SPCS1: variants seen among roughly 807,000 people sequenced by gnomAD.
SPCS1 encodes the protein signal peptidase complex subunit 1, also known as SPase 12 kDa subunit.
A neutral mutation model predicts 16.4 loss-of-function variants in SPCS1; 10 were observed. The ratio of observed to expected loss-of-function variants is 0.61; its 90% CI spans 0.38 to 1.03. The LOEUF (loss-of-function observed/expected upper bound fraction) is 1.03. Ranked by LOEUF, SPCS1 falls within the 50% of genes least tolerant of loss-of-function variation. The pLI, the probability that SPCS1 is intolerant of heterozygous loss-of-function variation, is 0.01. For synonymous variants in SPCS1, 47 were observed against 42.5 expected (o/e 1.10, Z -0.41); for missense variants, 118 against 123.8 (o/e 0.95, Z 0.22).
At position 52,707,874 on chromosome 3, in the gene SPCS1, C is replaced by T. The variant is rs1043241121; in HGVS notation, c.*62C>T. The T allele has an allele frequency of 1.9e-6, 3 of 1,602,030 alleles. No homozygotes were observed. The highest frequency in any genetic ancestry group is 1.3e-5 in the African/African-American group (1 of 74,496). Reference sequence around the variant, plus strand: ...AGATGAGCTAAATTGCTTTCATACCCCAGATAAGAGCTAAAACCACCTAAT... The same window carrying T: ...AGATGAGCTAAATTGCTTTCATACCTCAGATAAGAGCTAAAACCACCTAAT... On this transcript the variant is annotated 3_prime_UTR_variant, in exon 4 of 4. Coordinates refer to ENST00000619898, the MANE Select transcript of SPCS1 (RefSeq NM_014041.5).
chr3:52,707,858 A>C lies in SPCS1; in HGVS notation c.*46A>C, dbSNP rs780718225. ...TGCTTTTGTTTCTGTGAGATGAGCT[A>C]AATTGCTTTCATACCCCAGATAAGA... is the stretch of plus-strand genomic sequence containing the variant. On this transcript the variant is annotated 3_prime_UTR_variant, in exon 4 of 4. Coordinates refer to ENST00000619898, the MANE Select transcript of SPCS1 (RefSeq NM_014041.5). 1.9e-5 allele frequency: 31 copies of C among 1,611,570 alleles called. No homozygotes were observed. Among genetic ancestry groups the C allele is most frequent in the Non-Finnish European group, 1.6e-5 (19 of 1,178,624 alleles).
Position 52,707,929 on chromosome 3 carries a change from A to C in SPCS1, c.*117A>C, listed in dbSNP as rs187159349. The C allele has an allele frequency of 3.1e-6, 4 of 1,287,246 alleles. No homozygotes were observed. In the Admixed American group the frequency reaches 6.2e-5, roughly 20 times the overall value. The allele number at this position is 1,287,246 out of a possible 1,614,324, so 79.7% of individuals were successfully genotyped here. On this transcript the variant is annotated 3_prime_UTR_variant, in exon 4 of 4. Transcript: ENST00000619898. ...TTATGGCACAGCTGTGTATAGATTT[A>C]GTTCTCTTTATACTTCATTTCTAGC...
In SPCS1 at chr3:52,706,158, A is replaced by G. The variant is rs2097344457; in HGVS notation, c.-89A>G. The G allele has an allele frequency of 6.5e-7, 1 of 1,544,180 alleles. No individual in the cohort carries two copies. Among genetic ancestry groups the G allele is most frequent in the Non-Finnish European group, 8.7e-7 (1 of 1,148,704 alleles). ...GGCCCGGCTACTGACGCGCAGTGCC[A>G]GACCTTACCCCTCACGGTCCTTAAG... is the stretch of plus-strand genomic sequence containing the variant. On this transcript the variant is annotated 5_prime_UTR_variant, in exon 1 of 4. Transcript: ENST00000619898.
In SPCS1 at chr3:52,707,714, C is replaced by A; in HGVS notation, c.211C>A (p.Arg71Ser). 3 of 1,613,962 alleles carry A rather than the reference C, an allele frequency of 1.9e-6. No individual in the cohort carries two copies. The highest frequency in any genetic ancestry group is 2.5e-6 in the Non-Finnish European group (3 of 1,179,922). ...LLTLPPWPIY[R>S]RHPLKWLPVQ... ...GACACTTCCTCCATGGCCCATCTAT[C>A]GCCGGCATCCTCTCAAGTGGTTACC... is the stretch of plus-strand genomic sequence containing the variant. Residue 71 changes from arginine to serine, a missense_variant, in exon 4 of 4, where the codon CGC (arginine) becomes AGC (serine). Coordinates refer to ENST00000619898, the MANE Select transcript of SPCS1 (RefSeq NM_014041.5).
rs1232928161 is a variant in SPCS1 at position 52,706,144 on chromosome 3, T to A, written c.-103T>A. The A allele has an allele frequency of 6.5e-7, 1 of 1,541,798 alleles. No individual in the cohort carries two copies. Among genetic ancestry groups the A allele is most frequent in the African/African-American group, 1.4e-5 (1 of 73,046 alleles). ...TCCCGGGCTTAGAAGGCCCGGCTAC[T>A]GACGCGCAGTGCCAGACCTTACCCC... On this transcript the variant is annotated 5_prime_UTR_variant, in exon 1 of 4. Coordinates refer to ENST00000619898, the MANE Select transcript of SPCS1 (RefSeq NM_014041.5).
At chr3:52,707,285 T>G (rs1052919364) in intron 3 of SPCS1, 1 of 204,970 alleles carries the variant, frequency 4.9e-6, no homozygotes, top group Admixed American at 5.3e-5. Flanking sequence ...TTTTCCTGCC[T>G]CAGCCTCCCG....
chr3:52,707,803 AAAT>A lies in SPCS1; in HGVS notation c.304_306del (p.Asn102del). The A allele has an allele frequency of 6.2e-7, 1 of 1,614,060 alleles. No homozygotes were observed. The highest frequency in any genetic ancestry group is 8.5e-7 in the Non-Finnish European group (1 of 1,179,980). ...AAAGAAAAATTAAGAGGCATGCTAA[AAAT>A]AATTGAGGTTTTCATGATTCAGCAC... On this transcript the variant is annotated inframe_deletion, in exon 4 of 4. Coordinates refer to ENST00000619898, the MANE Select transcript of SPCS1 (RefSeq NM_014041.5).
At chr3:52,706,454 C>T in intron 1 of SPCS1, 172 bp downstream of exon 1, 1 of 831,570 alleles carries the variant, frequency 1.2e-6, no homozygotes, top group East Asian at 2.7e-5. Flanking sequence ...GCGAGAATCT[C>T]CTGTCCATTC....
intron 1 of SPCS1, 117 bp downstream of exon 1, chr3:52,706,399 C>T (rs982045578): frequency 1.7e-6 from 2 of 1,153,946 alleles, no homozygotes; most frequent in South Asian, 1.5e-5. Flanking sequence ...TTACCGTCCA[C>T]CCTCTTTCCC....
In SPCS1 at chr3:52,707,516, A is replaced by G. The variant is rs2097345810; in HGVS notation, c.184-171A>G. On this transcript the variant is annotated intron_variant, in intron 3 of 3. Transcript: ENST00000619898. ...AGGCAGTGAGCCTGTTCCCATCATC[A>G]TACAGTATTTTGCATGGATGGTGGC... 2.2e-5 allele frequency: 14 copies of G among 640,390 alleles called. 1 individual carries two copies. In the South Asian group the frequency reaches 3.0e-4, roughly 14 times the overall value. 39.7% of individuals were successfully genotyped at this position (640,390 alleles called of 1,614,324 possible).
In SPCS1 at chr3:52,707,939, ATACTTCATT is replaced by A; in HGVS notation, c.*129_*137del. ...GCTGTGTATAGATTTAGTTCTCTTT[ATACTTCATT>A]TCTAGCCCAGTTGGGTTTTGATTTA... On this transcript the variant is annotated 3_prime_UTR_variant, in exon 4 of 4. Transcript: ENST00000619898. 8.4e-7 allele frequency: 1 copy of A among 1,195,580 alleles called. No homozygotes were observed. Among genetic ancestry groups the A allele is most frequent in the South Asian group, 1.5e-5 (1 of 67,524 alleles). 74.1% of individuals were successfully genotyped at this position (1,195,580 alleles called of 1,614,324 possible).
chr3:52,710,882 T>C lies in SPCS1; in HGVS notation c.*3070T>C, dbSNP rs1323932198. 2.0e-5 allele frequency: 3 copies of C among 152,410 alleles called. No individual in the cohort carries two copies. The highest frequency in any genetic ancestry group is 7.2e-5 in the African/African-American group (3 of 41,466). 9.4% of individuals were successfully genotyped at this position (152,410 alleles called of 1,614,324 possible). On this transcript the variant is annotated 3_prime_UTR_variant, in exon 4 of 4. Transcript: ENST00000619898. ...AACTTCATAAAATTTCTTTCCTAGATGGGTATTACCTCTTATTAAACAACT... is the reference window on the plus strand; with the variant it reads ...AACTTCATAAAATTTCTTTCCTAGACGGGTATTACCTCTTATTAAACAACT...
intron 3 of SPCS1, 39 bp downstream of exon 3, chr3:52,706,918 G>T (rs772053287): frequency 6.7e-6 from 10 of 1,502,728 alleles, no homozygotes; most frequent in Non-Finnish European, 9.3e-6. Context: ...CTTGGGTTTT[G>T]TGAGTCGGGT....
intron 3 of SPCS1, 117 bp from the exon 4 acceptor site, chr3:52,707,565 ATTTTT>A: frequency 1.1e-6 from 1 of 898,164 alleles, no homozygotes; most frequent in Non-Finnish European, 1.7e-6. Context: ...AGGAATATGG[ATTTTT>A]TTTTTTGTTT....
chr3:52,706,160 A>G lies in SPCS1; in HGVS notation c.-87A>G. 6.5e-7 allele frequency: 1 copy of G among 1,544,082 alleles called. No individual in the cohort carries two copies. The highest frequency in any genetic ancestry group is 8.7e-7 in the Non-Finnish European group (1 of 1,148,834). On this transcript the variant is annotated 5_prime_UTR_variant, in exon 1 of 4. Transcript: ENST00000619898. ...CCCGGCTACTGACGCGCAGTGCCAG[A>G]CCTTACCCCTCACGGTCCTTAAGTC...
chr3:52,708,139 T>A lies in SPCS1; in HGVS notation c.*327T>A, dbSNP rs1475309239. 4 of 176,422 alleles carry A rather than the reference T, an allele frequency of 2.3e-5. No individual in the cohort carries two copies. Among genetic ancestry groups the A allele is most frequent in the Non-Finnish European group, 4.9e-5 (4 of 82,168 alleles). The allele number at this position is 176,422 out of a possible 1,614,324, so 10.9% of individuals were successfully genotyped here. On this transcript the variant is annotated 3_prime_UTR_variant, in exon 4 of 4. Transcript: ENST00000619898. ...ATAATTCATTATGAGTTAACCATTTTAATGTTTCCAATTAAACCTCATAGT... is the reference window on the plus strand; with the variant it reads ...ATAATTCATTATGAGTTAACCATTTAAATGTTTCCAATTAAACCTCATAGT...
intron 1 of SPCS1, 177 bp from the exon 2 acceptor site, chr3:52,706,467 C>G: frequency 2.4e-6 from 2 of 831,654 alleles, no homozygotes; most frequent in Non-Finnish European, 3.7e-6. Context: ...GTCCATTCTC[C>G]GTGAGGGTGT....
At chr3:52,707,232 C>T (rs1044112780) in intron 3 of SPCS1, 6 of 216,296 alleles carry the variant, frequency 2.8e-5, no homozygotes, top group Admixed American at 1.1e-4. Flanking sequence ...TGCACTGGGG[C>T]GATTTCGGCT....
chr3:52,706,313 C>G, intron 1 of SPCS1, 31 bp downstream of exon 1: 1 of 1,584,676 alleles, frequency 6.3e-7, no homozygotes. Flanking sequence ...CCTCTGCACG[C>G]CGTTCTTGTG....
Sources: gnomAD v4.1 joint callset for allele counts on GRCh38, gnomAD v4.1.1 for gene constraint, MANE v1.5 for transcripts, NCBI Gene and HGNC (gene_info 2026-07-23, HGNC 2026-07-21) for gene names.